The following HSPA4 variants were observed in gnomAD, a reference collection of about 807,000 sequenced individuals.
HSPA4 encodes heat shock protein family A (Hsp70) member 4.
In HSPA4, 25 loss-of-function variants were observed where a neutral mutation model predicts 106.2. That is an observed-to-expected ratio of 0.24 (90% CI 0.17 to 0.33). HSPA4 has a LOEUF of 0.33. Ranked by LOEUF, HSPA4 falls within the 10% of genes least tolerant of loss-of-function variation. The probability of loss-of-function intolerance (pLI) is 1.00; values close to 1 mark genes in which losing one functional copy is unlikely to be tolerated. For synonymous variants in HSPA4, 332 were observed against 333.6 expected (o/e 1.00, Z 0.05); for missense variants, 841 against 996.0 (o/e 0.84, Z 2.10).
chr5:133,101,640 A>G, intron 16 of HSPA4, 119 bp from the exon 17 acceptor site: 2 of 905,960 alleles, frequency 2.2e-6, no homozygotes, highest in Non-Finnish European at 1.7e-6. Context: ...CTGGAGAAAT[A>G]TATTTAACTT....
At chr5:133,085,302 A>G (rs1399032203) in intron 7 of HSPA4, among the ~76,000 whole-genome samples, 2 of 151,962 alleles carry the variant, frequency 1.3e-5, no homozygotes, top group Non-Finnish European at 1.5e-5. Context: ...AAAGAAGCCA[A>G]TTTGAAAAAT....
In HSPA4 at chr5:133,057,905, T is replaced by G. The variant is rs576938532; in HGVS notation, c.107+5548T>G. Among the ~76,000 whole-genome samples, 8 of 152,298 alleles carry G rather than the reference T, an allele frequency of 5.3e-5. No homozygotes were observed. The South Asian group carries it at 1.4e-3, about 28-fold the overall frequency. On this transcript the variant is annotated intron_variant, in intron 1 of 18. Transcript: ENST00000304858. Reference sequence around the variant, plus strand: ...CAATGTGGTTAAAATATGAATAACATAAGCAGCAGTAAATAGAATGAGTCC... The same window carrying G: ...CAATGTGGTTAAAATATGAATAACAGAAGCAGCAGTAAATAGAATGAGTCC...
chr5:133,067,317 CTCTATA>C (rs1481440470), intron 2 of HSPA4, 94 bp from the exon 3 acceptor site: 3 of 1,010,078 alleles, frequency 3.0e-6, no homozygotes, highest in Non-Finnish European at 4.4e-6. Flanking sequence ...AAGAAGGAGA[CTCTATA>C]TAAAGTTAAA....
intron 15 of HSPA4, among the ~76,000 whole-genome samples, chr5:133,099,017 G>A (rs950339646): frequency 6.6e-6 from 1 of 152,018 alleles, no homozygotes; most frequent in African/African-American, 2.4e-5. Context: ...TTAACTTACC[G>A]AAAGCCCTCC....
chr5:133,061,369 G>A (rs996532699), intron 1 of HSPA4, among the ~76,000 whole-genome samples: 2 of 151,876 alleles, frequency 1.3e-5, no homozygotes, highest in African/African-American at 2.4e-5. Context: ...TGATCCACCC[G>A]CCTTGGCCTC....
At chr5:133,071,606 G>A (rs1765381919) in intron 4 of HSPA4, among the ~76,000 whole-genome samples, 1 of 152,156 alleles carries the variant, frequency 6.6e-6, no homozygotes, top group Non-Finnish European at 1.5e-5. Flanking sequence ...CTTTGCCACC[G>A]AATCTCCTCA....
intron 4 of HSPA4, 76 bp from the exon 5 acceptor site, chr5:133,073,154 T>A: frequency 2.4e-6 from 2 of 829,336 alleles, no homozygotes; most frequent in Non-Finnish European, 3.9e-6. Flanking sequence ...GCTGTAGGTA[T>A]TTGATGGTGT....
intron 4 of HSPA4, among the ~76,000 whole-genome samples, chr5:133,071,302 A>T (rs902863177): frequency 1.3e-5 from 2 of 151,592 alleles, no homozygotes; most frequent in African/African-American, 4.8e-5. Flanking sequence ...AAAAAAAAAA[A>T]AAAAAAAAAT....
Position 133,052,137 on chromosome 5 carries a change from C to T in HSPA4, c.-114C>T, listed in dbSNP as rs1765087474. The T allele has an allele frequency of 1.4e-6, 1 of 691,230 alleles. No individual in the cohort carries two copies. Among genetic ancestry groups the T allele is most frequent in the Admixed American group, 2.5e-5 (1 of 39,846 alleles). 42.8% of individuals were successfully genotyped at this position (691,230 alleles called of 1,614,324 possible). A position where few individuals can be genotyped will look rare whatever the true frequency, so the allele number is the denominator to read the frequency against. ...TAGGCGCTCGCGTGGACACCGCAAGCCCCTCAGTAGCCTCGGCCCAAGAGG... is the reference window on the plus strand; with the variant it reads ...TAGGCGCTCGCGTGGACACCGCAAGTCCCTCAGTAGCCTCGGCCCAAGAGG... On this transcript the variant is annotated 5_prime_UTR_variant, in exon 1 of 19. Transcript: ENST00000304858.
At chr5:133,059,343 G>C (rs1221423472) in intron 1 of HSPA4, among the ~76,000 whole-genome samples, 1 of 151,598 alleles carries the variant, frequency 6.6e-6, no homozygotes, top group Non-Finnish European at 1.5e-5. Context: ...AGCTACTTGG[G>C]AGGCTGAGGC....
Position 133,092,713 on chromosome 5 carries a change from A to G in HSPA4, c.1574A>G (p.Asp525Gly). 1 of 1,610,436 alleles carries G rather than the reference A, an allele frequency of 6.2e-7. No homozygotes were observed. Among genetic ancestry groups the G allele is most frequent in the Non-Finnish European group, 8.5e-7 (1 of 1,177,676 alleles). The stretch of plus-strand genomic sequence containing the variant: ...CCTGTTTTTCAGAAGATGCAAGTGG[A>G]CCAGGAGGAACCACATGTTGAAGAG... Reference protein sequence around the residue: ...NAKEEEKMQVDQEEPHVEEQQ... With the variant: ...NAKEEEKMQVGQEEPHVEEQQ... Residue 525 changes from aspartate (D) to glycine (G), a missense_variant, in exon 13 of 19, where the codon GAC becomes GGC. Around this residue, in one of 5 missense-constraint regions of HSPA4, gnomAD observed 328 missense variants for 372.2 expected, o/e 0.88. Transcript: ENST00000304858.
chr5:133,073,549 A>G (rs558186733), intron 5 of HSPA4, among the ~76,000 whole-genome samples: 15 of 152,332 alleles, frequency 9.8e-5, no homozygotes, highest in African/African-American at 3.4e-4. Flanking sequence ...ATTTAAACAC[A>G]TGCTTGTTGG....
chr5:133,094,822 AGGT>A (rs966586376), intron 13 of HSPA4, among the ~76,000 whole-genome samples: 38 of 152,344 alleles, frequency 2.5e-4, no homozygotes, highest in African/African-American at 8.7e-4. Context: ...AATGACATTA[AGGT>A]TTTGCTTTAT....
At position 133,106,278 on chromosome 5, in the gene HSPA4, G is replaced by C. The variant is rs1462466581; in HGVS notation, c.*1842G>C. ...ACCAATTGGATTTTCATGGAGGCCA[G>C]GACAGAGAGTGGTAATTGATGGCTT... On this transcript the variant is annotated 3_prime_UTR_variant, in exon 19 of 19. Transcript: ENST00000304858. 4.0e-5 allele frequency: 6 copies of C among 150,956 alleles called. No individual in the cohort carries two copies. Among genetic ancestry groups the C allele is most frequent in the African/African-American group, 1.2e-4 (5 of 41,000 alleles). 9.4% of individuals were successfully genotyped at this position (150,956 alleles called of 1,614,324 possible).
intron 1 of HSPA4, among the ~76,000 whole-genome samples, chr5:133,063,789 G>GTCTTC (rs969754848): frequency 6.9e-6 from 1 of 145,862 alleles, no homozygotes; most frequent in African/African-American, 2.5e-5. Flanking sequence ...TTGAGATAGG[G>GTCTTC]TCTTGCTCTG....
chr5:133,093,809 A>G (rs1003800643), intron 13 of HSPA4, among the ~76,000 whole-genome samples: 6 of 151,982 alleles, frequency 3.9e-5, no homozygotes, highest in South Asian at 2.1e-4. Context: ...ATAAAAAGGC[A>G]TGGGGCCTGG....
intron 16 of HSPA4, 53 bp from the exon 17 acceptor site, chr5:133,101,706 A>G: frequency 6.4e-7 from 1 of 1,553,238 alleles, no homozygotes; most frequent in Non-Finnish European, 8.8e-7. Flanking sequence ...TAGTGGAATC[A>G]GTACTCTGGA....
chr5:133,090,702 A>G (rs1765636757), intron 11 of HSPA4, among the ~76,000 whole-genome samples: 3 of 152,168 alleles, frequency 2.0e-5, no homozygotes, highest in Admixed American at 2.0e-4. Flanking sequence ...CCCATCTGTA[A>G]ATCTGTAAAA....
At chr5:133,095,218 CTT>C (rs1200190650) in intron 13 of HSPA4, among the ~76,000 whole-genome samples, 1 of 152,178 alleles carries the variant, frequency 6.6e-6, no homozygotes, top group East Asian at 1.9e-4. Context: ...AGGAGAATCT[CTT>C]GAACCTGAGA....
Sources: allele counts gnomAD v4.1 joint callset (sites outside exome capture counted in the v4.1 genomes callset), GRCh38; gene constraint gnomAD v4.1.1; regional missense constraint gnomAD v4.1.1; transcripts MANE v1.5; gene names NCBI Gene and HGNC (gene_info 2026-07-23, HGNC 2026-07-21).